EDA: variants seen among roughly 807,000 people sequenced by gnomAD.
EDA encodes the protein ectodysplasin A, also known as ectodysplasin-A.
A neutral mutation model predicts 23.6 loss-of-function variants in EDA; 2 were observed. The ratio of observed to expected loss-of-function variants is 0.08; its 90% CI spans 0.03 to 0.27. The LOEUF is 0.27. Ranked by LOEUF, EDA falls within the 10% of genes least tolerant of loss-of-function variation. EDA has a pLI of 1.00. For missense variants in EDA, 229 were observed against 324.2 expected, an observed-to-expected ratio of 0.71 and a Z score of 2.26; for synonymous variants, 131 against 132.0, an observed-to-expected ratio of 0.99 and a Z score of 0.05.
intron 1 of EDA, among the ~76,000 whole-genome samples, chrX:69,710,234 C>A (rs1431378505): frequency 2.7e-5 from 3 of 110,247 alleles, no homozygotes; most frequent in African/African-American, 9.9e-5. Context: ...GTTTTCCCAG[C>A]ACCATTTATT....
chrX:69,797,447 T>G (rs1046387504), intron 1 of EDA, among the ~76,000 whole-genome samples: 3 of 111,550 alleles, frequency 2.7e-5, no homozygotes, highest in African/African-American at 9.8e-5. Flanking sequence ...GGATGATATA[T>G]TCAAAGTTCT....
At chrX:69,984,073 G>A (rs1466578158) in intron 2 of EDA, among the ~76,000 whole-genome samples, 2 of 83,487 alleles carry the variant, frequency 2.4e-5, no homozygotes, top group Non-Finnish European at 4.5e-5. Context: ...TGAAACCAAC[G>A]AGAACAAAGA....
chrX:69,752,819 T>C (rs371614067), intron 1 of EDA, among the ~76,000 whole-genome samples: 99 of 111,865 alleles, frequency 8.8e-4, no homozygotes, highest in African/African-American at 3.1e-3. Flanking sequence ...GTGTATGTGT[T>C]GAGGAATTTA....
intron 1 of EDA, among the ~76,000 whole-genome samples, chrX:69,783,559 T>C (rs1269231956): frequency 7.3e-5 from 8 of 109,980 alleles, no homozygotes; most frequent in African/African-American, 1.0e-4. Context: ...GTTCTTGTGA[T>C]AGTTTACTGA....
At position 69,863,515 on chromosome X, in the gene EDA, GTA is replaced by G. The variant is rs1294967565; in HGVS notation, c.397-93504_397-93503del. ...TGTATATATATATATACATATATAT[GTA>G]TATATATGTGTGTGTATATATATAT... On this transcript the variant is annotated intron_variant, in intron 1 of 7. Coordinates refer to ENST00000374552, the MANE Select transcript of EDA (RefSeq NM_001399.5). Among the ~76,000 whole-genome samples, 4 of 29,973 alleles carry G rather than the reference GTA, an allele frequency of 1.3e-4. No homozygotes were observed. In the South Asian group the frequency reaches 3.5e-3, roughly 26 times the overall value. 26.0% of individuals were successfully genotyped at this position (29,973 alleles called of 115,157 possible). A position where few individuals can be genotyped will look rare whatever the true frequency, so the allele number is the denominator to read the frequency against.
chrX:69,692,294 C>G (rs982115284), intron 1 of EDA, among the ~76,000 whole-genome samples: 1 of 111,573 alleles, frequency 9.0e-6, no homozygotes, highest in Non-Finnish European at 1.9e-5. Flanking sequence ...TAGAAACTCT[C>G]TAGCCCAGCC....
At chrX:69,772,794 T>A (rs1334847884) in intron 1 of EDA, among the ~76,000 whole-genome samples, 1 of 112,036 alleles carries the variant, frequency 8.9e-6, no homozygotes, top group Non-Finnish European at 1.9e-5. Flanking sequence ...GCATCCATGC[T>A]GCTGCAGAGG....
At position 69,819,908 on chromosome X, in the gene EDA, A is replaced by C. The variant is rs1241902287; in HGVS notation, c.397-137119A>C. 1.2e-4 allele frequency among the ~76,000 whole-genome samples: 12 copies of C among 102,040 alleles called. No individual in the cohort carries two copies. In the East Asian group the frequency reaches 3.1e-3, roughly 26 times the overall value. 88.6% of individuals were successfully genotyped at this position (102,040 alleles called of 115,157 possible). A position where few individuals can be genotyped will look rare whatever the true frequency, so the allele number is the denominator to read the frequency against. On this transcript the variant is annotated intron_variant, in intron 1 of 7. Coordinates refer to ENST00000374552, the MANE Select transcript of EDA (RefSeq NM_001399.5). ...AAATTCATGTGGAAGCAAAAAAAAAAAAAAACAAAAAACACCCAAATAGCC... is the reference window on the plus strand; with the variant it reads ...AAATTCATGTGGAAGCAAAAAAAAACAAAAACAAAAAACACCCAAATAGCC...
intron 1 of EDA, among the ~76,000 whole-genome samples, chrX:69,653,197 C>A (rs996803734): frequency 9.0e-5 from 10 of 111,392 alleles, no homozygotes; most frequent in Non-Finnish European, 1.5e-4. Flanking sequence ...CTTCACATCC[C>A]TTGTAAGTTG....
chrX:69,617,250 G>A (rs184870478), intron 1 of EDA: 2 of 148,011 alleles, frequency 1.4e-5, no homozygotes, highest in East Asian at 4.1e-4. Context: ...TGCAATTTGA[G>A]ACTGATTGTC....
chrX:69,815,329 A>G (rs1157514146), intron 1 of EDA, among the ~76,000 whole-genome samples: 1 of 108,628 alleles, frequency 9.2e-6, no homozygotes, highest in Non-Finnish European at 1.9e-5. Context: ...ACACTGATCC[A>G]TTCCTCCTCG....
chrX:69,715,288 G>T (rs1157208942), intron 1 of EDA, among the ~76,000 whole-genome samples: 1 of 109,555 alleles, frequency 9.1e-6, no homozygotes, highest in Non-Finnish European at 1.9e-5. Context: ...TCCCCTCTTT[G>T]TGTCCGTGTG....
chrX:69,718,659 TG>T (rs1157062004), intron 1 of EDA, among the ~76,000 whole-genome samples: 1 of 111,230 alleles, frequency 9.0e-6, no homozygotes, highest in Admixed American at 9.6e-5. Flanking sequence ...TTGTTCATGA[TG>T]TATAATTCTT....
intron 1 of EDA, among the ~76,000 whole-genome samples, chrX:69,650,662 C>A (rs888184095): frequency 1.8e-5 from 2 of 111,825 alleles, no homozygotes; most frequent in African/African-American, 6.5e-5. Context: ...ACACTGTATG[C>A]TTGTATCAAA....
In EDA at chrX:70,035,821, C is replaced by A; in HGVS notation, c.*212C>A. ...GAGTTAACAGGACAGTTGATGGAGCCCCAGGGTTTACATGAAGCAGAACCT... is the reference window on the plus strand; with the variant it reads ...GAGTTAACAGGACAGTTGATGGAGCACCAGGGTTTACATGAAGCAGAACCT... On this transcript the variant is annotated 3_prime_UTR_variant, in exon 8 of 8. Transcript: ENST00000374552. The A allele has an allele frequency of 2.2e-6, 1 of 455,412 alleles. No individual in the cohort carries two copies. Among genetic ancestry groups the A allele is most frequent in the Non-Finnish European group, 3.7e-6 (1 of 268,327 alleles). The allele number at this position is 455,412 out of a possible 1,213,427, so 37.5% of individuals were successfully genotyped here.
At chrX:69,751,549 C>A (rs1430110910) in intron 1 of EDA, among the ~76,000 whole-genome samples, 2 of 111,747 alleles carry the variant, frequency 1.8e-5, no homozygotes, top group Admixed American at 1.9e-4. Flanking sequence ...GTAGTTTTTT[C>A]CAATTCTATG....
intron 1 of EDA, among the ~76,000 whole-genome samples, chrX:69,653,935 T>C (rs1933199075): frequency 9.0e-6 from 1 of 110,956 alleles, no homozygotes; most frequent in African/African-American, 3.3e-5. Context: ...GCAACAAAAG[T>C]CAAAATTGAA....
rs746007734 is a variant in EDA, at chrX:69,707,430, T to G, written c.396+90726T>G. Reference sequence around the variant, plus strand: ...AAAGTGAGTGAGTTCATCAGATGTCTTGTATAAAAACTGACAGTTTATTTT... The same window carrying G: ...AAAGTGAGTGAGTTCATCAGATGTCGTGTATAAAAACTGACAGTTTATTTT... On this transcript the variant is annotated intron_variant, in intron 1 of 7. Coordinates refer to ENST00000374552, the MANE Select transcript of EDA (RefSeq NM_001399.5). Among the ~76,000 whole-genome samples the G allele has an allele frequency of 9.8e-5, 11 of 112,288 alleles. No homozygotes were observed. In the South Asian group the frequency reaches 3.7e-3, roughly 38 times the overall value.
At chrX:69,927,387 A>C (rs1178761460) in intron 1 of EDA, among the ~76,000 whole-genome samples, 2 of 111,366 alleles carry the variant, frequency 1.8e-5, no homozygotes, top group Non-Finnish European at 3.8e-5. Context: ...TCTGGAAAGG[A>C]TTTTATTTCT....
Sources: gnomAD v4.1 joint callset for allele counts (sites outside exome capture counted in the v4.1 genomes callset) on GRCh38, gnomAD v4.1.1 for gene constraint, MANE v1.5 for transcripts, NCBI Gene and HGNC (gene_info 2026-07-23, HGNC 2026-07-21) for gene names.